PLA2G12B: variants seen among roughly 807,000 people sequenced by gnomAD.
PLA2G12B encodes group XIIB secretory phospholipase A2-like protein.
Under a neutral mutation model 22.3 loss-of-function variants are expected in PLA2G12B, and 19 were observed. The observed-to-expected ratio is 0.85, with a 90% CI of 0.60 to 1.25. The LOEUF (loss-of-function observed/expected upper bound fraction) is 1.25. PLA2G12B is among the 50% of genes most tolerant of loss of function. The pLI, the probability that PLA2G12B is intolerant of heterozygous loss-of-function variation, is 0.00. For synonymous variants in PLA2G12B, 81 were observed against 94.9 expected, an observed-to-expected ratio of 0.85 and a Z score of 0.85; for missense variants, 191 against 246.6, an observed-to-expected ratio of 0.77 and a Z score of 1.51.
At chr10:72,935,923 A>C (rs1846273881) in intron 3 of PLA2G12B, among the ~76,000 whole-genome samples, 185 bp from the exon 4 acceptor site, 1 of 152,188 alleles carries the variant, frequency 6.6e-6, no homozygotes, top group Non-Finnish European at 1.5e-5. Flanking sequence ...AGCAGAAGAC[A>C]CCTGGAGGTG....
chr10:72,952,030 T>A (rs1047430408), intron 1 of PLA2G12B, among the ~76,000 whole-genome samples: 14 of 152,364 alleles, frequency 9.2e-5, no homozygotes, highest in South Asian at 6.2e-4. Context: ...TTACCTTGGC[T>A]GTGCTTTGCA....
At chr10:72,944,338 T>C (rs144233178) in intron 1 of PLA2G12B, among the ~76,000 whole-genome samples, 106 of 152,220 alleles carry the variant, frequency 7.0e-4, no homozygotes, top group African/African-American at 2.4e-3. Flanking sequence ...TTTTAATTTT[T>C]AGATACTAAG....
chr10:72,937,532 C>A (rs1490037653), intron 3 of PLA2G12B, among the ~76,000 whole-genome samples: 1 of 152,050 alleles, frequency 6.6e-6, no homozygotes, highest in Non-Finnish European at 1.5e-5. Context: ...GGATCACTGC[C>A]CAATTCATTT....
At chr10:72,949,704 G>A (rs970783655) in intron 1 of PLA2G12B, among the ~76,000 whole-genome samples, 5 of 152,264 alleles carry the variant, frequency 3.3e-5, no homozygotes, top group South Asian at 2.1e-4. Context: ...CAGGCCGGGC[G>A]CGGTGGCTCA....
intron 1 of PLA2G12B, among the ~76,000 whole-genome samples, chr10:72,946,472 AT>A (rs142268089): frequency 0.038 from 5,720 of 152,248 alleles, 368 homozygotes; most frequent in African/African-American, 0.13. Flanking sequence ...TAAGAATAGG[AT>A]TGCTGGGTCA....
intron 3 of PLA2G12B, 58 bp downstream of exon 3, chr10:72,941,111 C>T (rs1433957763): frequency 8.5e-6 from 13 of 1,521,092 alleles, no homozygotes; most frequent in African/African-American, 2.7e-5. Flanking sequence ...GGCTATATCT[C>T]GGTGTGAAAA....
chr10:72,953,401 T>C (rs1349278796), intron 1 of PLA2G12B, among the ~76,000 whole-genome samples: 1 of 152,230 alleles, frequency 6.6e-6, no homozygotes, highest in East Asian at 1.9e-4. Context: ...TGTAGTTTTT[T>C]TGTGCATCTC....
In PLA2G12B at chr10:72,954,611, A is replaced by C. The variant is rs1846589116; in HGVS notation, c.75T>G (p.Pro25=). ...GGGLAQSDTS[P]DTEESYSDWG... is the part of the protein sequence containing the mutation. Reference sequence around the variant, plus strand: ...AGTCTGAATAGGACTCCTCCGTGTCAGGGCTCGTGTCGCTCTGAGCCAGGC... The same window carrying C: ...AGTCTGAATAGGACTCCTCCGTGTCCGGGCTCGTGTCGCTCTGAGCCAGGC... The change falls in exon 1 of 4, where the codon CCT becomes CCG. Residue 25 remains proline (P), a synonymous_variant. Coordinates refer to ENST00000373032, the MANE Select transcript of PLA2G12B (RefSeq NM_032562.5). 1 of 1,614,184 alleles carries C rather than the reference A, an allele frequency of 6.2e-7. No individual in the cohort carries two copies. Among genetic ancestry groups the C allele is most frequent in the Admixed American group, 1.7e-5 (1 of 60,026 alleles).
At chr10:72,951,435 TG>T (rs1351214004) in intron 1 of PLA2G12B, among the ~76,000 whole-genome samples, 1 of 151,404 alleles carries the variant, frequency 6.6e-6, no homozygotes, top group African/African-American at 2.4e-5. Flanking sequence ...AAATCTTGTT[TG>T]CATTGGCACA....
At chr10:72,939,962 A>C (rs1354474708) in intron 3 of PLA2G12B, among the ~76,000 whole-genome samples, 2 of 152,244 alleles carry the variant, frequency 1.3e-5, no homozygotes, top group Non-Finnish European at 2.9e-5. Context: ...GTTAATTTGC[A>C]GTAACCAGGC....
rs1032698245 is a variant in PLA2G12B, at chr10:72,954,200, C to T, written c.211+275G>A. Among the ~76,000 whole-genome samples, 52 of 152,152 alleles carry T rather than the reference C, an allele frequency of 3.4e-4. 1 individual carries two copies. The highest frequency in any genetic ancestry group is 3.9e-4 in the Admixed American group (6 of 15,278). On this transcript the variant is annotated intron_variant, in intron 1 of 3. Transcript: ENST00000373032. ...CAGGGAAGGTTTCCCAGATACAATACAGGAAGCTCAGTGAAATGTGAGTTT... is the reference window on the plus strand; with the variant it reads ...CAGGGAAGGTTTCCCAGATACAATATAGGAAGCTCAGTGAAATGTGAGTTT...
In PLA2G12B at chr10:72,935,532, A is replaced by G. The variant is rs74662489; in HGVS notation, c.*85T>C. On this transcript the variant is annotated 3_prime_UTR_variant, in exon 4 of 4. Coordinates refer to ENST00000373032, the MANE Select transcript of PLA2G12B (RefSeq NM_032562.5). ...GGTGTCCAAACTGTTGGAAGAACGA[A>G]TGAGTCACGCTGACTCGAAGACTTG... The G allele has an allele frequency of 5.4e-4, 832 of 1,553,090 alleles. 13 individuals are homozygous for G. The East Asian group carries it at 0.019, about 35-fold the overall frequency.
At chr10:72,937,575 A>T (rs570344865) in intron 3 of PLA2G12B, among the ~76,000 whole-genome samples, 5 of 152,184 alleles carry the variant, frequency 3.3e-5, no homozygotes, top group Non-Finnish European at 7.4e-5. Context: ...TACCAAAACC[A>T]AAGACATCAC....
chr10:72,942,417 CA>C (rs1388141997), intron 2 of PLA2G12B, among the ~76,000 whole-genome samples: 1 of 152,144 alleles, frequency 6.6e-6, no homozygotes, highest in East Asian at 1.9e-4. Flanking sequence ...CTGACATTTT[CA>C]GTGGTGATTT....
chr10:72,938,197 A>T (rs1846307817), intron 3 of PLA2G12B, among the ~76,000 whole-genome samples: 1 of 152,136 alleles, frequency 6.6e-6, no homozygotes, highest in Non-Finnish European at 1.5e-5. Flanking sequence ...GAGAACTCCC[A>T]CAACCTAATA....
At chr10:72,946,324 T>A (rs1589543861) in intron 1 of PLA2G12B, among the ~76,000 whole-genome samples, 1 of 152,232 alleles carries the variant, frequency 6.6e-6, no homozygotes, top group South Asian at 2.1e-4. Context: ...CCTTCCATTG[T>A]ATAGACATAC....
intron 3 of PLA2G12B, among the ~76,000 whole-genome samples, chr10:72,938,595 A>G (rs1348739804): frequency 6.6e-6 from 1 of 152,236 alleles, no homozygotes; most frequent in African/African-American, 2.4e-5. Context: ...AACATTAAAA[A>G]GAATAAAATA....
chr10:72,949,242 G>A (rs1340529803), intron 1 of PLA2G12B, among the ~76,000 whole-genome samples: 1 of 152,080 alleles, frequency 6.6e-6, no homozygotes. Context: ...AAATTCACGG[G>A]AGTGCTTTTT....
chr10:72,948,980 G>A (rs929108889), intron 1 of PLA2G12B, among the ~76,000 whole-genome samples: 3 of 152,178 alleles, frequency 2.0e-5, no homozygotes, highest in Non-Finnish European at 2.9e-5. Context: ...GGAAACAGCA[G>A]TAAAAACTTT....
Sources: allele counts gnomAD v4.1 joint callset (sites outside exome capture counted in the v4.1 genomes callset), GRCh38; gene constraint gnomAD v4.1.1; transcripts MANE v1.5; gene names NCBI Gene and HGNC (gene_info 2026-07-23, HGNC 2026-07-21).